SPATA16: variants seen among roughly 807,000 people sequenced by gnomAD.
The protein encoded by SPATA16 is spermatogenesis associated 16, also known as spermatogenesis-associated protein 16.
A neutral mutation model predicts 63.3 loss-of-function variants in SPATA16; 36 were observed. The ratio of observed to expected loss-of-function variants is 0.57; its 90% CI spans 0.44 to 0.75. The LOEUF is 0.75. Ranked by LOEUF, SPATA16 falls within the 30% of genes least tolerant of loss-of-function variation. The probability of loss-of-function intolerance (pLI) is 0.00; values close to 1 mark genes in which losing one functional copy is unlikely to be tolerated. For synonymous variants in SPATA16, 203 were observed against 216.7 expected (o/e 0.94, Z 0.56); for missense variants, 646 against 679.3 (o/e 0.95, Z 0.54).
chr3:173,048,912 A>G, intron 3 of SPATA16, 37 bp downstream of exon 3: 1 of 1,612,784 alleles, frequency 6.2e-7, no homozygotes, highest in Non-Finnish European at 8.5e-7. Flanking sequence ...ACTAGCATGA[A>G]CAGCATTTAC....
intron 5 of SPATA16, among the ~76,000 whole-genome samples, chr3:172,976,727 C>G (rs1283585791): frequency 1.3e-5 from 2 of 152,008 alleles, no homozygotes; most frequent in Non-Finnish European, 2.9e-5. Flanking sequence ...CCTGGGATCT[C>G]TAAAATTTAT....
At chr3:172,931,907 G>C (rs113889887) in intron 6 of SPATA16, among the ~76,000 whole-genome samples, 2,770 of 152,244 alleles carry the variant, frequency 0.018, 77 homozygotes, top group African/African-American at 0.063. Flanking sequence ...TAGTTTTATA[G>C]TTGGCTTGCT....
intron 6 of SPATA16, among the ~76,000 whole-genome samples, chr3:172,949,362 A>G (rs765711945): frequency 5.9e-5 from 9 of 152,180 alleles, no homozygotes; most frequent in Non-Finnish European, 1.2e-4. Flanking sequence ...CGAGCCAAGT[A>G]TTAGAGGAGA....
At chr3:173,053,962 A>T (rs932201690) in intron 2 of SPATA16, among the ~76,000 whole-genome samples, 1 of 152,080 alleles carries the variant, frequency 6.6e-6, no homozygotes, top group Non-Finnish European at 1.5e-5. Flanking sequence ...TACGTTTTGC[A>T]TTTTTGTATC....
intron 6 of SPATA16, among the ~76,000 whole-genome samples, chr3:172,947,810 G>A (rs747997811): frequency 6.6e-6 from 1 of 150,522 alleles, no homozygotes; most frequent in African/African-American, 2.5e-5. Flanking sequence ...GAGAGCATTA[G>A]GACAAATACC....
At chr3:173,025,951 T>C (rs1047342899) in intron 3 of SPATA16, among the ~76,000 whole-genome samples, 3 of 152,130 alleles carry the variant, frequency 2.0e-5, no homozygotes, top group East Asian at 1.9e-4. Flanking sequence ...GTGAGAATAC[T>C]GGGTCCTATT....
At chr3:173,114,232 T>G (rs4498069) in intron 2 of SPATA16, among the ~76,000 whole-genome samples, 19,725 of 150,696 alleles carry the variant, frequency 0.13, 1,392 homozygotes, top group African/African-American at 0.18. Flanking sequence ...ATAGCAAGCC[T>G]TCTATGGGAG....
intron 6 of SPATA16, among the ~76,000 whole-genome samples, chr3:172,934,681 A>G (rs2109591439): frequency 6.6e-6 from 1 of 152,272 alleles, no homozygotes; most frequent in East Asian, 1.9e-4. Context: ...ATTACTCATG[A>G]ATTATCATGA....
intron 1 of SPATA16, among the ~76,000 whole-genome samples, chr3:173,136,395 T>C (rs1738546892): frequency 6.6e-6 from 1 of 152,146 alleles, no homozygotes; most frequent in African/African-American, 2.4e-5. Context: ...GGTATATATA[T>C]TTATGGGGTA....
chr3:172,980,165 T>G (rs1435228276), intron 4 of SPATA16, among the ~76,000 whole-genome samples: 5 of 152,186 alleles, frequency 3.3e-5, no homozygotes, highest in African/African-American at 1.2e-4. Context: ...CATGCAATAT[T>G]TGTGAGGGAA....
rs765145848 is a variant in SPATA16, at chr3:173,048,952, T to C, written c.755A>G (p.His252Arg). 1.8e-5 allele frequency: 29 copies of C among 1,613,626 alleles called. No individual in the cohort carries two copies. Among genetic ancestry groups the C allele is most frequent in the Admixed American group, 3.3e-5 (2 of 59,996 alleles). ...ACTTATTAGTATATGATTTTACCTG[T>C]GTGCATGATTCAGGGCAAGATCTGG... ...RKPDLALNHA[H>R]RSIVLNPAYF... Residue 252 changes from histidine (H) to arginine (R), a missense_variant, in exon 3 of 11, where the codon CAC (histidine) becomes CGC (arginine). His to Arg is a conservative substitution (Grantham distance 29). Coordinates refer to ENST00000351008, the MANE Select transcript of SPATA16 (RefSeq NM_031955.6).
chr3:172,953,920 C>T (rs1733509891), intron 6 of SPATA16, among the ~76,000 whole-genome samples: 1 of 152,152 alleles, frequency 6.6e-6, no homozygotes, highest in Non-Finnish European at 1.5e-5. Flanking sequence ...TATATTTTGG[C>T]TCTGGGCAGA....
chr3:172,920,052 A>G (rs995471669), intron 8 of SPATA16, among the ~76,000 whole-genome samples: 1 of 152,210 alleles, frequency 6.6e-6, no homozygotes, highest in Non-Finnish European at 1.5e-5. Context: ...GTTGTGTGTT[A>G]TGCATGTTTT....
At chr3:173,125,301 TC>T (rs1191485262) in intron 1 of SPATA16, among the ~76,000 whole-genome samples, 1 of 152,154 alleles carries the variant, frequency 6.6e-6, no homozygotes, top group African/African-American at 2.4e-5. Context: ...AATACCCTCC[TC>T]CAGGGCCCAT....
intron 4 of SPATA16, among the ~76,000 whole-genome samples, chr3:172,996,514 T>G (rs1734696190): frequency 6.6e-6 from 1 of 152,102 alleles, no homozygotes; most frequent in African/African-American, 2.4e-5. Context: ...CACTTTAGGT[T>G]CAAAGCAAAA....
At chr3:173,082,481 A>T (rs1736946640) in intron 2 of SPATA16, among the ~76,000 whole-genome samples, 1 of 152,166 alleles carries the variant, frequency 6.6e-6, no homozygotes, top group African/African-American at 2.4e-5. Context: ...TGCCTGGACA[A>T]CCCAGACCAA....
intron 2 of SPATA16, among the ~76,000 whole-genome samples, chr3:173,107,398 A>G (rs952492387): frequency 1.3e-5 from 2 of 152,050 alleles, no homozygotes; most frequent in Non-Finnish European, 2.9e-5. Flanking sequence ...GGTATTCATA[A>G]CAATTCCTAC....
intron 2 of SPATA16, among the ~76,000 whole-genome samples, chr3:173,088,085 T>TCCG: frequency 7.8e-6 from 1 of 128,562 alleles, no homozygotes; most frequent in East Asian, 2.3e-4. Flanking sequence ...TTTCTGTCTT[T>TCCG]TCTTTTTTTT....
At chr3:173,069,468 G>A (rs2108306076) in intron 2 of SPATA16, among the ~76,000 whole-genome samples, 1 of 152,226 alleles carries the variant, frequency 6.6e-6, no homozygotes, top group African/African-American at 2.4e-5. Flanking sequence ...CCAATAACAA[G>A]TAATGAAATA....
Sources: allele counts gnomAD v4.1 joint callset (sites outside exome capture counted in the v4.1 genomes callset), GRCh38; gene constraint gnomAD v4.1.1; transcripts MANE v1.5; gene names NCBI Gene and HGNC (gene_info 2026-07-23, HGNC 2026-07-21).